Variants in DYNC1I1 observed in about 807,000 individuals in gnomAD.
The protein encoded by DYNC1I1 is dynein cytoplasmic 1 intermediate chain 1, also known as cytoplasmic dynein 1 intermediate chain 1.
Under a neutral mutation model 86.6 loss-of-function variants are expected in DYNC1I1, and 43 were observed. The observed-to-expected ratio is 0.50, with a 90% confidence interval of 0.39 to 0.64. DYNC1I1 has a LOEUF of 0.64. DYNC1I1 is among the 30% of genes least tolerant of loss of function. The probability of loss-of-function intolerance (pLI) is 0.00; values close to 1 mark genes in which losing one functional copy is unlikely to be tolerated. For missense variants in DYNC1I1, 604 were observed against 788.8 expected (o/e 0.77, Z 2.81); for synonymous variants, 262 against 283.7 (o/e 0.92, Z 0.77).
chr7:95,930,705 T>C (rs1240539677), intron 6 of DYNC1I1, among the ~76,000 whole-genome samples: 1 of 152,216 alleles, frequency 6.6e-6, no homozygotes, highest in Non-Finnish European at 1.5e-5. Flanking sequence ...AAAACTAGGC[T>C]GGTTTTCAAT....
chr7:96,080,296 A>G, intron 15 of DYNC1I1, 67 bp from the exon 16 acceptor site: 1 of 1,512,706 alleles, frequency 6.6e-7, no homozygotes, highest in Admixed American at 2.3e-5. Flanking sequence ...TAAACGTATT[A>G]TTGTAAATTT....
chr7:95,891,273 A>G (rs968968556), intron 6 of DYNC1I1, among the ~76,000 whole-genome samples: 2 of 152,226 alleles, frequency 1.3e-5, no homozygotes, highest in Non-Finnish European at 2.9e-5. Flanking sequence ...TGATCTCCCT[A>G]GTCTGTGGTC....
intron 6 of DYNC1I1, among the ~76,000 whole-genome samples, chr7:95,947,154 A>G (rs556378849): frequency 6.6e-6 from 1 of 152,316 alleles, no homozygotes; most frequent in South Asian, 2.1e-4. Flanking sequence ...TAGTACTATG[A>G]AGGACAGTTT....
At chr7:95,890,363 T>A (rs1196106135) in intron 6 of DYNC1I1, among the ~76,000 whole-genome samples, 1 of 152,086 alleles carries the variant, frequency 6.6e-6, no homozygotes, top group South Asian at 2.1e-4. Flanking sequence ...TCACTTTAAG[T>A]GGGACTTAAA....
intron 7 of DYNC1I1, 36 bp downstream of exon 7, chr7:95,977,637 T>C: frequency 6.3e-7 from 1 of 1,575,436 alleles, no homozygotes; most frequent in South Asian, 1.2e-5. Context: ...AATCATTTTA[T>C]TGTTTTGTTT....
At position 95,812,209 on chromosome 7, in the gene DYNC1I1, T is replaced by A. The variant is rs570316086; in HGVS notation, c.224-1038T>A. Among the ~76,000 whole-genome samples, 72 of 152,224 alleles carry A rather than the reference T, an allele frequency of 4.7e-4. 1 individual carries two copies. The highest frequency in any genetic ancestry group is 3.4e-3 in the Middle Eastern group (1 of 294). On this transcript the variant is annotated intron_variant, in intron 3 of 16. Coordinates refer to ENST00000447467, the MANE Select transcript of DYNC1I1 (RefSeq NM_001135556.2). ...TAAGCCCTTTACCCTATTAAGTAAA[T>A]AAAAGGAAATTGCACATGATTGAAA...
intron 5 of DYNC1I1, among the ~76,000 whole-genome samples, chr7:95,844,278 G>A (rs1262248794): frequency 6.6e-6 from 1 of 152,180 alleles, no homozygotes; most frequent in Non-Finnish European, 1.5e-5. Flanking sequence ...TCTTGATAGA[G>A]TTTTTAAAAA....
In DYNC1I1 at chr7:95,936,956, T is replaced by TCTCACACA. The variant is rs750834189; in HGVS notation, c.491-40555_491-40554insTCACACAC. 2.0e-3 allele frequency among the ~76,000 whole-genome samples: 273 copies of TCTCACACA among 134,282 alleles called. 2 individuals carry two copies. Among genetic ancestry groups the TCTCACACA allele is most frequent in the Middle Eastern group, 7.1e-3 (2 of 280 alleles). 88.1% of individuals were successfully genotyped at this position (134,282 alleles called of 152,430 possible). ...CAAAGGAATGGATAAAGAATATGTC[T>TCTCACACA]CACACACACACACACACACACACAC... On this transcript the variant is annotated intron_variant, in intron 6 of 16. Transcript: ENST00000447467.
At chr7:96,067,688 C>G (rs1790035834) in intron 14 of DYNC1I1, among the ~76,000 whole-genome samples, 1 of 152,034 alleles carries the variant, frequency 6.6e-6, no homozygotes, top group African/African-American at 2.4e-5. Context: ...AAGGTACAAA[C>G]ACTTTTGAGA....
At chr7:96,004,408 T>C (rs1262778841) in intron 10 of DYNC1I1, among the ~76,000 whole-genome samples, 1 of 152,196 alleles carries the variant, frequency 6.6e-6, no homozygotes, top group African/African-American at 2.4e-5. Flanking sequence ...AAAGCCATTA[T>C]GTTTTTTTCC....
chr7:96,071,249 A>G (rs1000013038), intron 14 of DYNC1I1, among the ~76,000 whole-genome samples: 4 of 152,234 alleles, frequency 2.6e-5, no homozygotes, highest in African/African-American at 9.6e-5. Flanking sequence ...GGCTTTAATG[A>G]TAATAGTTAC....
chr7:95,920,451 A>G (rs900704060), intron 6 of DYNC1I1, among the ~76,000 whole-genome samples: 1 of 152,232 alleles, frequency 6.6e-6, no homozygotes, highest in African/African-American at 2.4e-5. Context: ...GAAGAAGGAC[A>G]TTAGGTAAAA....
At chr7:96,088,084 T>G (rs1790735270) in intron 16 of DYNC1I1, among the ~76,000 whole-genome samples, 1 of 152,160 alleles carries the variant, frequency 6.6e-6, no homozygotes, top group African/African-American at 2.4e-5. Flanking sequence ...GCTTTCACTT[T>G]GATAATTATA....
At chr7:95,992,732 G>A (rs1793762198) in intron 9 of DYNC1I1, among the ~76,000 whole-genome samples, 1 of 151,938 alleles carries the variant, frequency 6.6e-6, no homozygotes, top group Non-Finnish European at 1.5e-5. Context: ...CAATTCTCCT[G>A]CCTCAGCCTC....
chr7:96,052,848 A>G (rs1420660540), intron 14 of DYNC1I1, among the ~76,000 whole-genome samples: 1 of 152,198 alleles, frequency 6.6e-6, no homozygotes, highest in East Asian at 1.9e-4. Context: ...GTGACAGCTT[A>G]TGTGAAAGTA....
chr7:95,809,737 T>A (rs2690297), intron 2 of DYNC1I1, among the ~76,000 whole-genome samples: 97,163 of 151,950 alleles, frequency 0.64, 31,797 homozygotes, highest in African/African-American at 0.77. Context: ...CTTGTAAATG[T>A]TTTGTTTTAC....
intron 10 of DYNC1I1, among the ~76,000 whole-genome samples, chr7:96,010,860 G>T (rs557457502): frequency 6.6e-6 from 1 of 152,318 alleles, no homozygotes; most frequent in South Asian, 2.1e-4. Context: ...ATTGCCAGAT[G>T]CTTGGCATCA....
At chr7:95,773,839 G>T (rs1331117111) in intron 1 of DYNC1I1, among the ~76,000 whole-genome samples, 1 of 152,170 alleles carries the variant, frequency 6.6e-6, no homozygotes, top group Non-Finnish European at 1.5e-5. Flanking sequence ...TGGGTAACCA[G>T]TCTGTGTACA....
chr7:95,923,788 T>C (rs1248087573), intron 6 of DYNC1I1, among the ~76,000 whole-genome samples: 1 of 152,116 alleles, frequency 6.6e-6, no homozygotes, highest in Admixed American at 6.6e-5. Flanking sequence ...AGAAATTATA[T>C]AACATCATTG....
Sources: gnomAD v4.1 joint callset for allele counts (sites outside exome capture counted in the v4.1 genomes callset) on GRCh38, gnomAD v4.1.1 for gene constraint, MANE v1.5 for transcripts, NCBI Gene and HGNC (gene_info 2026-07-23, HGNC 2026-07-21) for gene names.